The following DOK6 variants were observed in gnomAD, a reference collection of about 807,000 sequenced individuals.
DOK6 encodes the protein docking protein 6.
In DOK6, 22 loss-of-function variants were observed where a neutral mutation model predicts 44.0. The observed-to-expected ratio is 0.50, with a 90% CI of 0.36 to 0.71. The LOEUF (loss-of-function observed/expected upper bound fraction) is 0.71, where lower values mean the gene tolerates loss of function less well. Among genes scored for constraint, DOK6 ranks in the 30% least tolerant of loss-of-function variants. The pLI, the probability that DOK6 is intolerant of heterozygous loss-of-function variation, is 0.00. For missense variants in DOK6, 340 were observed against 416.4 expected (o/e 0.82, Z 1.60); for synonymous variants, 166 against 145.5 (o/e 1.14, Z -1.01).
chr18:69,755,136 A>T (rs1184036572), intron 6 of DOK6, among the ~76,000 whole-genome samples: 7 of 152,250 alleles, frequency 4.6e-5, no homozygotes, highest in Non-Finnish European at 1.5e-5. Flanking sequence ...GAACACGAAA[A>T]CAATGAAGAG....
At chr18:69,585,069 A>T (rs189389284) in intron 2 of DOK6, among the ~76,000 whole-genome samples, 20 of 151,556 alleles carry the variant, frequency 1.3e-4, no homozygotes, top group Admixed American at 3.9e-4. Context: ...TTCTTTATGG[A>T]AATGCTCTGT....
At chr18:69,642,488 T>G (rs139175853) in intron 3 of DOK6, among the ~76,000 whole-genome samples, 34 of 152,336 alleles carry the variant, frequency 2.2e-4, no homozygotes, top group African/African-American at 6.5e-4. Context: ...TGAGACTTCA[T>G]CTCTTAAAAC....
chr18:69,572,981 T>C (rs1983151515), intron 2 of DOK6, among the ~76,000 whole-genome samples: 1 of 151,190 alleles, frequency 6.6e-6, no homozygotes, highest in Non-Finnish European at 1.5e-5. Flanking sequence ...GCAGGTATGT[T>C]TTCAAATATG....
intron 7 of DOK6, among the ~76,000 whole-genome samples, chr18:69,818,934 T>A (rs1981484134): frequency 6.6e-6 from 1 of 152,224 alleles, no homozygotes; most frequent in Non-Finnish European, 1.5e-5. Flanking sequence ...CCATTGGGCT[T>A]GCCCTCAGCA....
intron 1 of DOK6, among the ~76,000 whole-genome samples, chr18:69,435,249 T>C (rs987417511): frequency 2.6e-5 from 4 of 152,172 alleles, no homozygotes; most frequent in African/African-American, 7.2e-5. Flanking sequence ...CACTTGCACA[T>C]TGGCCAGTCA....
chr18:69,752,402 C>A (rs1057495777), intron 6 of DOK6, among the ~76,000 whole-genome samples: 1 of 152,098 alleles, frequency 6.6e-6, no homozygotes, highest in Non-Finnish European at 1.5e-5. Flanking sequence ...GCATAACTAA[C>A]CTAAATGTTT....
chr18:69,549,396 TCTTA>T (rs1982501556), intron 1 of DOK6, among the ~76,000 whole-genome samples: 1 of 151,478 alleles, frequency 6.6e-6, no homozygotes, highest in South Asian at 2.1e-4. Context: ...GATGAGGCAT[TCTTA>T]CTATCATAAT....
chr18:69,587,639 G>A (rs1983534176), intron 2 of DOK6, among the ~76,000 whole-genome samples: 1 of 152,178 alleles, frequency 6.6e-6, no homozygotes, highest in Non-Finnish European at 1.5e-5. Flanking sequence ...CATAGTAGCT[G>A]TATAGTATCT....
intron 1 of DOK6, among the ~76,000 whole-genome samples, chr18:69,456,210 T>G (rs932603031): frequency 6.6e-6 from 1 of 152,138 alleles, no homozygotes; most frequent in Non-Finnish European, 1.5e-5. Context: ...CAACTTTTAT[T>G]TTCTATACAA....
At chr18:69,714,144 G>A (rs1986830911) in intron 5 of DOK6, among the ~76,000 whole-genome samples, 1 of 152,298 alleles carries the variant, frequency 6.6e-6, no homozygotes, top group East Asian at 1.9e-4. Flanking sequence ...TATACAGACT[G>A]CTCTTAGCAG....
intron 1 of DOK6, among the ~76,000 whole-genome samples, chr18:69,519,445 C>T (rs1192525071): frequency 6.6e-6 from 1 of 151,500 alleles, no homozygotes; most frequent in Non-Finnish European, 1.5e-5. Flanking sequence ...TTCACACATA[C>T]AAGAAGAAAA....
chr18:69,523,230 A>G (rs1413489664), intron 1 of DOK6, among the ~76,000 whole-genome samples: 1 of 152,118 alleles, frequency 6.6e-6, no homozygotes, highest in African/African-American at 2.4e-5. Context: ...TCCACGGATG[A>G]CAGAGTGAAC....
rs531354012 is a variant in DOK6, at chr18:69,664,893, A to C, written c.290-12841A>C. On this transcript the variant is annotated intron_variant, in intron 3 of 7. Coordinates refer to ENST00000382713, the MANE Select transcript of DOK6 (RefSeq NM_152721.6). ...ACATCATTTTCTTCCTAAAAGCAAA[A>C]TGTGGCCAGGTGCGATGGCTCACGC... 3.3e-5 allele frequency among the ~76,000 whole-genome samples: 5 copies of C among 152,146 alleles called. No individual in the cohort carries two copies. The South Asian group carries it at 1.0e-3, about 32-fold the overall frequency.
At chr18:69,716,348 G>A (rs568950873) in intron 5 of DOK6, among the ~76,000 whole-genome samples, 5 of 152,274 alleles carry the variant, frequency 3.3e-5, no homozygotes, top group African/African-American at 7.2e-5. Flanking sequence ...CATGCAATGC[G>A]AACTATGAGG....
chr18:69,475,982 TC>T (rs1052865583), intron 1 of DOK6, among the ~76,000 whole-genome samples: 37 of 144,024 alleles, frequency 2.6e-4, no homozygotes, highest in African/African-American at 7.8e-4. Flanking sequence ...GTATGACTGG[TC>T]CCATCACCCA....
chr18:69,417,360 C>G (rs1377722613), intron 1 of DOK6, among the ~76,000 whole-genome samples: 2 of 152,054 alleles, frequency 1.3e-5, no homozygotes, highest in South Asian at 4.1e-4. Context: ...ACATAATGAC[C>G]TCCATTTTCA....
intron 1 of DOK6, among the ~76,000 whole-genome samples, chr18:69,435,077 AGGAAGGAAGGAAGGAAAG>A (rs1978936849): frequency 1.3e-5 from 2 of 149,590 alleles, no homozygotes; most frequent in African/African-American, 5.0e-5. Flanking sequence ...GAAGGAAGGA[AGGAAGGAAGGAAGGAAAG>A]AAGGAAGAAA....
rs143435766 is a variant in DOK6 at position 69,481,839 on chromosome 18, A to T, written c.66+80529A>T. On this transcript the variant is annotated intron_variant, in intron 1 of 7. Transcript: ENST00000382713. The stretch of plus-strand genomic sequence containing the variant: ...GTTGAACTAGTTTACACTCCCACCA[A>T]CAGAGTAAAAGTGTTCCTATTTCTC... Among the ~76,000 whole-genome samples, 74 of 152,294 alleles carry T rather than the reference A, an allele frequency of 4.9e-4. No homozygotes were observed. The East Asian group carries it at 0.013, about 26-fold the overall frequency.
chr18:69,682,088 T>G (rs374435019), intron 4 of DOK6, among the ~76,000 whole-genome samples: 1 of 152,208 alleles, frequency 6.6e-6, no homozygotes, highest in Non-Finnish European at 1.5e-5. Context: ...CAAAGCAATA[T>G]GCTAGTGTTG....
Sources: allele counts gnomAD v4.1 joint callset (sites outside exome capture counted in the v4.1 genomes callset), GRCh38; gene constraint gnomAD v4.1.1; transcripts MANE v1.5; gene names NCBI Gene and HGNC (gene_info 2026-07-23, HGNC 2026-07-21).